The following LYSMD2 variants were observed in gnomAD, a reference collection of about 807,000 sequenced individuals.
LYSMD2 encodes LysM domain containing 2, also known as lysM and putative peptidoglycan-binding domain-containing protein 2.
In LYSMD2, 6 loss-of-function variants were observed where a neutral mutation model predicts 17.7. That is an observed-to-expected ratio of 0.34 (90% CI 0.19 to 0.67). The LOEUF (loss-of-function observed/expected upper bound fraction) is 0.67, where lower values mean the gene tolerates loss of function less well. LYSMD2 is among the 30% of genes least tolerant of loss of function. The probability of loss-of-function intolerance (pLI) is 0.69; values close to 1 mark genes in which losing one functional copy is unlikely to be tolerated. For missense variants in LYSMD2, 237 were observed against 286.7 expected (o/e 0.83, Z 1.25); for synonymous variants, 102 against 129.8 (o/e 0.79, Z 1.45).
At chr15:51,735,726 G>GCA (rs1213128796) in intron 1 of LYSMD2, among the ~76,000 whole-genome samples, 2 of 152,218 alleles carry the variant, frequency 1.3e-5, no homozygotes, top group Non-Finnish European at 2.9e-5. Flanking sequence ...TTTGATCAAA[G>GCA]GTGGAAAACT....
intron 1 of LYSMD2, among the ~76,000 whole-genome samples, chr15:51,733,500 G>A (rs142141665): frequency 6.6e-5 from 10 of 151,982 alleles, no homozygotes; most frequent in East Asian, 3.9e-4. Context: ...GGGGAGGAGC[G>A]CTGGGGGACT....
intron 1 of LYSMD2, among the ~76,000 whole-genome samples, chr15:51,734,262 T>C (rs2055595212): frequency 6.6e-6 from 1 of 152,174 alleles, no homozygotes; most frequent in Non-Finnish European, 1.5e-5. Context: ...AGATCCAATG[T>C]CAGCTAGGAT....
At chr15:51,745,049 A>C (rs1221104220) in intron 1 of LYSMD2, among the ~76,000 whole-genome samples, 1 of 152,194 alleles carries the variant, frequency 6.6e-6, no homozygotes, top group Admixed American at 6.5e-5. Flanking sequence ...GACATGAACT[A>C]ACAAAACTGA....
chr15:51,747,068 C>A lies in LYSMD2; in HGVS notation c.-1+4203G>T, dbSNP rs924914665. Among the ~76,000 whole-genome samples the A allele has an allele frequency of 2.7e-5, 4 of 148,424 alleles. 1 individual carries two copies. In the South Asian group the frequency reaches 8.6e-4, roughly 32 times the overall value. On this transcript the variant is annotated intron_variant, in intron 1 of 2. Coordinates refer to the LYSMD2 transcript ENST00000454181. ...TACGAAAATTAGCCGGGCTTGGTGG[C>A]ACACGCCTGTAGTCCCAGCTACTTG...
chr15:51,730,113 T>G (rs1321639796), intron 1 of LYSMD2, among the ~76,000 whole-genome samples: 1 of 152,208 alleles, frequency 6.6e-6, no homozygotes, highest in Non-Finnish European at 1.5e-5. Flanking sequence ...AGAAACAGTT[T>G]ATAGAATAAG....
chr15:51,735,203 A>T (rs73405370), intron 1 of LYSMD2, among the ~76,000 whole-genome samples: 1,523 of 152,276 alleles, frequency 0.01, 17 homozygotes, highest in African/African-American at 0.022. Flanking sequence ...AGATATTAAA[A>T]CAAGAATATC....
chr15:51,726,360 C>T (rs776313374), intron 1 of LYSMD2, among the ~76,000 whole-genome samples: 6 of 152,314 alleles, frequency 3.9e-5, no homozygotes, highest in East Asian at 3.9e-4. Flanking sequence ...ATTGCTATTT[C>T]GCCTTTAGGA....
chr15:51,744,680 T>C (rs1247846899), intron 1 of LYSMD2, among the ~76,000 whole-genome samples: 1 of 152,188 alleles, frequency 6.6e-6, no homozygotes, highest in African/African-American at 2.4e-5. Context: ...AAGAAGTGTT[T>C]CCTCTGCTTC....
At chr15:51,748,489 T>G (rs1276253646) in intron 1 of LYSMD2, among the ~76,000 whole-genome samples, 1 of 152,192 alleles carries the variant, frequency 6.6e-6, no homozygotes, top group African/African-American at 2.4e-5. Context: ...ATCCAAAGAA[T>G]GTACTTTCAC....
intron 1 of LYSMD2, among the ~76,000 whole-genome samples, chr15:51,747,847 T>A (rs777921400): frequency 1.3e-5 from 2 of 152,242 alleles, no homozygotes; most frequent in Non-Finnish European, 2.9e-5. Context: ...ATTTAATTCA[T>A]AATTCATCAA....
chr15:51,740,711 G>T (rs574052607), upstream of LYSMD2, among the ~76,000 whole-genome samples: 1 of 151,932 alleles, frequency 6.6e-6, no homozygotes, highest in East Asian at 1.9e-4. Context: ...GTGTGAAAAA[G>T]ATGACATTCC....
chr15:51,732,975 G>A (rs1024509049), intron 1 of LYSMD2, among the ~76,000 whole-genome samples: 2 of 152,134 alleles, frequency 1.3e-5, no homozygotes, highest in Non-Finnish European at 2.9e-5. Context: ...GTCACTCTTC[G>A]GCTCAAACCC....
chr15:51,741,275 A>G (rs1408939153), upstream of LYSMD2, among the ~76,000 whole-genome samples: 1 of 152,272 alleles, frequency 6.6e-6, no homozygotes. Context: ...TTACATATTC[A>G]ATAAATGTTG....
intron 1 of LYSMD2, among the ~76,000 whole-genome samples, chr15:51,735,185 A>G (rs990333179): frequency 6.6e-6 from 1 of 152,150 alleles, no homozygotes; most frequent in Non-Finnish European, 1.5e-5. Context: ...AAAAAAAAAA[A>G]AATCTGAAGA....
chr15:51,723,544 T>C lies in LYSMD2; in HGVS notation c.*63A>G, dbSNP rs1216616364. ...AGAAGGGATGTTTTTGAATCTTCAG[T>C]TGTTGGATTCTTTATGGTCCAAACA... On this transcript the variant is annotated 3_prime_UTR_variant, in exon 3 of 3. Coordinates refer to ENST00000267838, the MANE Select transcript of LYSMD2 (RefSeq NM_153374.3). The C allele has an allele frequency of 3.1e-6, 4 of 1,311,448 alleles. No individual in the cohort carries two copies. The Admixed American group carries it at 6.8e-5, about 22-fold the overall frequency. The allele number at this position is 1,311,448 out of a possible 1,614,324, so 81.2% of individuals were successfully genotyped here.
At chr15:51,733,902 T>C (rs2055592492) in intron 1 of LYSMD2, among the ~76,000 whole-genome samples, 2 of 152,116 alleles carry the variant, frequency 1.3e-5, no homozygotes, top group Non-Finnish European at 2.9e-5. Context: ...ATGGAGACTC[T>C]GGCCAGATGC....
intron 1 of LYSMD2, among the ~76,000 whole-genome samples, chr15:51,735,736 T>C (rs906960974): frequency 1.3e-4 from 20 of 152,232 alleles, no homozygotes; most frequent in Non-Finnish European, 2.9e-4. Flanking sequence ...GGTGGAAAAC[T>C]GCAGTAAACA....
intron 1 of LYSMD2, among the ~76,000 whole-genome samples, chr15:51,745,332 G>A (rs751166379): frequency 7.2e-5 from 11 of 152,066 alleles, no homozygotes; most frequent in Non-Finnish European, 1.3e-4. Flanking sequence ...TCTTATGAAT[G>A]TAGACACAAA....
At chr15:51,727,160 C>T (rs976367352) in intron 1 of LYSMD2, among the ~76,000 whole-genome samples, 5 of 152,136 alleles carry the variant, frequency 3.3e-5, no homozygotes, top group African/African-American at 1.2e-4. Flanking sequence ...TGTCGTGCTG[C>T]TTATTCTCCT....
Sources: allele counts gnomAD v4.1 joint callset (sites outside exome capture counted in the v4.1 genomes callset), GRCh38; gene constraint gnomAD v4.1.1; transcripts MANE v1.5; gene names NCBI Gene and HGNC (gene_info 2026-07-23, HGNC 2026-07-21).